Variants in RAD51B observed in about 807,000 individuals in gnomAD.
RAD51B encodes RAD51 paralog B.
RAD51B carries 38 observed loss-of-function variants against 42.2 expected under a neutral mutation model. That is an observed-to-expected ratio of 0.90 (90% CI 0.70 to 1.18). The LOEUF (loss-of-function observed/expected upper bound fraction) is 1.18, where lower values mean the gene tolerates loss of function less well. Ranked by LOEUF, RAD51B falls within the 50% of genes most tolerant of loss-of-function variation. The probability of loss-of-function intolerance (pLI) is 0.00; values close to 1 mark genes in which losing one functional copy is unlikely to be tolerated. For synonymous variants in RAD51B, 154 were observed against 145.2 expected (o/e 1.06, Z -0.43); for missense variants, 373 against 400.7 (o/e 0.93, Z 0.59).
Position 67,831,613 on chromosome 14 carries a change from C to T in RAD51B, c.199-3467C>T, listed in dbSNP as rs147251706. On this transcript the variant is annotated intron_variant, in intron 3 of 10. Transcript: ENST00000471583. ...GTGCAGTGGCGTGATCTTGGCTCAC[C>T]GCAACCTCCGCCTCCCGGGTTCAAG... Among the ~76,000 whole-genome samples the T allele has an allele frequency of 3.7e-3, 561 of 152,138 alleles. 12 individuals carry two copies. The East Asian group carries it at 0.074, about 20-fold the overall frequency.
chr14:67,832,380 C>T (rs1185147612), intron 3 of RAD51B, among the ~76,000 whole-genome samples: 2 of 152,056 alleles, frequency 1.3e-5, no homozygotes, highest in Admixed American at 6.5e-5. Context: ...TAAAAATGAC[C>T]GTTATAAAGG....
intron 9 of RAD51B, among the ~76,000 whole-genome samples, chr14:68,434,292 C>G (rs1316048880): frequency 1.3e-5 from 2 of 152,030 alleles, no homozygotes; most frequent in African/African-American, 2.4e-5. Flanking sequence ...ACATTTAAGT[C>G]TGCAGAGGTT....
chr14:68,159,803 T>C (rs1056207357), intron 7 of RAD51B, among the ~76,000 whole-genome samples: 31 of 152,192 alleles, frequency 2.0e-4, no homozygotes, highest in African/African-American at 7.5e-4. Context: ...CAGATGTTTG[T>C]CATGTGCTTT....
chr14:68,667,822 C>T (rs1011074197), intron 11 of RAD51B, among the ~76,000 whole-genome samples: 5 of 152,224 alleles, frequency 3.3e-5, no homozygotes, highest in African/African-American at 1.2e-4. Flanking sequence ...GAATTCTCCT[C>T]CCAGCTACCA....
intron 7 of RAD51B, among the ~76,000 whole-genome samples, chr14:68,047,081 A>G (rs2076314087): frequency 6.6e-6 from 1 of 151,708 alleles, no homozygotes; most frequent in South Asian, 2.1e-4. Context: ...ATAAGGTTTT[A>G]TTTATTTGTA....
chr14:68,058,090 C>G (rs917484530), intron 7 of RAD51B, among the ~76,000 whole-genome samples: 6 of 151,836 alleles, frequency 4.0e-5, no homozygotes, highest in African/African-American at 7.3e-5. Context: ...TAATTTTTAT[C>G]ATGATATAAT....
At chr14:68,133,030 G>A (rs534211688) in intron 7 of RAD51B, among the ~76,000 whole-genome samples, 1 of 152,278 alleles carries the variant, frequency 6.6e-6, no homozygotes, top group South Asian at 2.1e-4. Context: ...ATTGAGAAAA[G>A]CAGTTCACAG....
At chr14:68,530,939 G>C (rs375640351) in intron 10 of RAD51B, among the ~76,000 whole-genome samples, 3 of 152,104 alleles carry the variant, frequency 2.0e-5, no homozygotes, top group African/African-American at 7.2e-5. Flanking sequence ...TTAGTAGAAA[G>C]AGTATTTACT....
At chr14:68,025,476 C>CTTTTTTTT (rs765471138) in intron 7 of RAD51B, among the ~76,000 whole-genome samples, 5 of 40,972 alleles carry the variant, frequency 1.2e-4, no homozygotes, top group Non-Finnish European at 2.4e-4. Context: ...CTGGTCTAGG[C>CTTTTTTTT]TTTTTTTTTT....
intron 7 of RAD51B, among the ~76,000 whole-genome samples, chr14:67,963,165 G>A (rs2074704404): frequency 6.6e-6 from 1 of 151,894 alleles, no homozygotes; most frequent in South Asian, 2.1e-4. Context: ...TCTCATCCCA[G>A]AAAGAATACA....
At chr14:68,126,506 C>T (rs1439156156) in intron 7 of RAD51B, among the ~76,000 whole-genome samples, 1 of 152,178 alleles carries the variant, frequency 6.6e-6, no homozygotes, top group African/African-American at 2.4e-5. Context: ...ACTATAGCCC[C>T]TCACCAAAGA....
chr14:68,001,996 G>T (rs1248104377), intron 7 of RAD51B, among the ~76,000 whole-genome samples: 1 of 152,096 alleles, frequency 6.6e-6, no homozygotes, highest in East Asian at 1.9e-4. Flanking sequence ...GTATAGTGGT[G>T]CAGTGATCAT....
intron 9 of RAD51B, among the ~76,000 whole-genome samples, chr14:68,439,161 C>A (rs2085219629): frequency 2.0e-5 from 1 of 49,010 alleles, no homozygotes; most frequent in Non-Finnish European, 3.9e-5. Flanking sequence ...TGTACACACA[C>A]ACACACACAC....
chr14:68,619,799 G>C (rs8016840), intron 10 of RAD51B, among the ~76,000 whole-genome samples: 137,393 of 152,284 alleles, frequency 0.9, 62,198 homozygotes, highest in African/African-American at 0.97. Context: ...CCCATTAAAC[G>C]TACTTGCCTT....
rs79151056 is a variant in RAD51B, at chr14:68,441,404, C to G, written c.958-26768C>G. On this transcript the variant is annotated intron_variant, in intron 9 of 10. Transcript: ENST00000471583. ...AAAAAAACAAAAAATTAGCCGGGCGCGGTGGCAGGCACCTGTAGTCCCAGC... is the reference window on the plus strand; with the variant it reads ...AAAAAAACAAAAAATTAGCCGGGCGGGGTGGCAGGCACCTGTAGTCCCAGC... 1.8e-4 allele frequency among the ~76,000 whole-genome samples: 25 copies of G among 142,668 alleles called. 3 individuals are homozygous for G. Among genetic ancestry groups the G allele is most frequent in the Non-Finnish European group, 2.9e-4 (19 of 65,088 alleles). 93.6% of individuals were successfully genotyped at this position (142,668 alleles called of 152,430 possible).
intron 8 of RAD51B, among the ~76,000 whole-genome samples, chr14:68,358,380 C>T (rs1454340359): frequency 6.6e-6 from 1 of 152,162 alleles, no homozygotes; most frequent in Non-Finnish European, 1.5e-5. Flanking sequence ...TGCCTGTACT[C>T]CTGAAGTGAT....
At chr14:68,347,297 G>C (rs2082694738) in intron 8 of RAD51B, among the ~76,000 whole-genome samples, 1 of 152,298 alleles carries the variant, frequency 6.6e-6, no homozygotes, top group Non-Finnish European at 1.5e-5. Flanking sequence ...GTTTTTGTTA[G>C]CTGCATTCCT....
chr14:68,384,178 A>T (rs1403057480), intron 8 of RAD51B, among the ~76,000 whole-genome samples: 8 of 152,236 alleles, frequency 5.3e-5, no homozygotes, highest in African/African-American at 1.9e-4. Context: ...TTTTTTTCTT[A>T]TGATCTCAGA....
At chr14:68,665,701 G>T (rs774192065) in intron 11 of RAD51B, among the ~76,000 whole-genome samples, 2 of 152,216 alleles carry the variant, frequency 1.3e-5, no homozygotes, top group Non-Finnish European at 2.9e-5. Flanking sequence ...GCCCCTAGAG[G>T]TGCTTTTCCA....
Sources: allele counts gnomAD v4.1 joint callset (sites outside exome capture counted in the v4.1 genomes callset), GRCh38; gene constraint gnomAD v4.1.1; transcripts MANE v1.5; gene names NCBI Gene and HGNC (gene_info 2026-07-23, HGNC 2026-07-21).